Variants in CYB5B observed in about 807,000 individuals in gnomAD.
CYB5B encodes cytochrome b5 type B.
Under a neutral mutation model 21.3 loss-of-function variants are expected in CYB5B, and 14 were observed. That is an observed-to-expected ratio of 0.66 (90% confidence interval 0.43 to 1.03). The LOEUF (loss-of-function observed/expected upper bound fraction) is 1.03, where lower values mean the gene tolerates loss of function less well. Among genes scored for constraint, CYB5B ranks in the 50% least tolerant of loss-of-function variants. The probability of loss-of-function intolerance (pLI) is 0.00; values close to 1 mark genes in which losing one functional copy is unlikely to be tolerated. For synonymous variants in CYB5B, 69 were observed against 68.4 expected (o/e 1.01, Z -0.04); for missense variants, 166 against 185.1 (o/e 0.90, Z 0.60).
At chr16:69,453,403 A>G (rs1370410853) in intron 3 of CYB5B, among the ~76,000 whole-genome samples, 2 of 152,178 alleles carry the variant, frequency 1.3e-5, no homozygotes, top group Non-Finnish European at 2.9e-5. Flanking sequence ...TAAAAATTTT[A>G]TTTTTAAGAA....
intron 1 of CYB5B, among the ~76,000 whole-genome samples, chr16:69,441,729 G>A (rs1294609525): frequency 6.6e-6 from 1 of 152,058 alleles, no homozygotes; most frequent in Non-Finnish European, 1.5e-5. Flanking sequence ...TCAACTGACT[G>A]GACATATACA....
intron 1 of CYB5B, among the ~76,000 whole-genome samples, chr16:69,433,140 GT>G (rs374309559): frequency 3.8e-3 from 573 of 152,308 alleles, no homozygotes; most frequent in African/African-American, 0.013. Flanking sequence ...CTGCCTCAAT[GT>G]TTTTCATGGC....
chr16:69,460,907 T>A (rs758674552), intron 4 of CYB5B, among the ~76,000 whole-genome samples: 1 of 152,230 alleles, frequency 6.6e-6, no homozygotes, highest in Non-Finnish European at 1.5e-5. Flanking sequence ...TGAACCTGAA[T>A]CTCCTGTGAT....
intron 3 of CYB5B, among the ~76,000 whole-genome samples, chr16:69,456,824 A>G (rs778726284): frequency 1.3e-5 from 2 of 152,198 alleles, no homozygotes; most frequent in Non-Finnish European, 2.9e-5. Context: ...GTGTTAATAG[A>G]ACTTTTTTCA....
intron 1 of CYB5B, among the ~76,000 whole-genome samples, chr16:69,425,572 A>C (rs763647641): frequency 7.2e-5 from 11 of 152,202 alleles, no homozygotes; most frequent in Non-Finnish European, 1.6e-4. Context: ...TAGACTTCTA[A>C]ATATTTAAAA....
chr16:69,455,096 C>G (rs533624026), intron 3 of CYB5B, among the ~76,000 whole-genome samples: 5 of 152,010 alleles, frequency 3.3e-5, no homozygotes, highest in Non-Finnish European at 5.9e-5. Flanking sequence ...GGGTTTCACC[C>G]TGTTAGCCAG....
chr16:69,443,010 G>A (rs1271291659), intron 1 of CYB5B, among the ~76,000 whole-genome samples: 1 of 152,072 alleles, frequency 6.6e-6, no homozygotes, highest in Non-Finnish European at 1.5e-5. Flanking sequence ...GTGCAGTGGT[G>A]CGATTGTGGC....
intron 1 of CYB5B, among the ~76,000 whole-genome samples, chr16:69,440,521 TA>T (rs2014809079): frequency 6.6e-6 from 1 of 152,232 alleles, no homozygotes; most frequent in South Asian, 2.1e-4. Context: ...GAACTTTTTA[TA>T]AATGGAAATT....
intron 1 of CYB5B, among the ~76,000 whole-genome samples, chr16:69,446,074 G>A: frequency 6.6e-6 from 1 of 152,036 alleles, no homozygotes; most frequent in Admixed American, 6.6e-5. Flanking sequence ...GTATAAATAT[G>A]CATATATATA....
At chr16:69,433,422 T>C (rs1034510253) in intron 1 of CYB5B, among the ~76,000 whole-genome samples, 1 of 152,202 alleles carries the variant, frequency 6.6e-6, no homozygotes, top group African/African-American at 2.4e-5. Context: ...TGAATGTAGT[T>C]TCTCTTTTTT....
In CYB5B at chr16:69,424,815, G is replaced by T. The variant is rs1332428981; in HGVS notation, c.132G>T (p.Val44=). ...KRNSLKELWL[V]IHGRVYDVTR... Reference sequence around the variant, plus strand: ...ACTCCTTGAAGGAACTGTGGCTTGTGATCCATGGGCGAGTCTACGATGTCA... The same window carrying T: ...ACTCCTTGAAGGAACTGTGGCTTGTTATCCATGGGCGAGTCTACGATGTCA... The change falls in exon 1 of 5, where the codon GTG becomes GTT. Residue 44 remains valine (V), a synonymous_variant. Transcript: ENST00000307892. 3.7e-6 allele frequency: 6 copies of T among 1,605,042 alleles called. No homozygotes were observed. The South Asian group carries it at 6.7e-5, about 18-fold the overall frequency.
intron 1 of CYB5B, among the ~76,000 whole-genome samples, chr16:69,428,510 G>T (rs2014671763): frequency 6.6e-6 from 1 of 152,064 alleles, no homozygotes; most frequent in Non-Finnish European, 1.5e-5. Flanking sequence ...ACAAAAATTA[G>T]CTGGGCATGG....
At chr16:69,451,459 C>A (rs1337050236) in intron 3 of CYB5B, among the ~76,000 whole-genome samples, 1 of 152,074 alleles carries the variant, frequency 6.6e-6, no homozygotes, top group Non-Finnish European at 1.5e-5. Context: ...AAATCGTAAC[C>A]TGACTAAAAA....
intron 3 of CYB5B, 149 bp downstream of exon 3, chr16:69,448,293 T>A: frequency 1.2e-6 from 1 of 839,356 alleles, no homozygotes; most frequent in Non-Finnish European, 1.9e-6. Context: ...TTGGACTCAG[T>A]ATCATCTCAG....
chr16:69,445,551 A>G (rs2142819441), intron 1 of CYB5B, among the ~76,000 whole-genome samples: 1 of 152,338 alleles, frequency 6.6e-6, no homozygotes, highest in Non-Finnish European at 1.5e-5. Context: ...ATTAAATAAT[A>G]TAAATTCTAA....
At chr16:69,433,362 C>T (rs1029317347) in intron 1 of CYB5B, among the ~76,000 whole-genome samples, 1 of 152,164 alleles carries the variant, frequency 6.6e-6, no homozygotes, top group Non-Finnish European at 1.5e-5. Context: ...AAAGTTAACT[C>T]CCATTGTTTG....
At chr16:69,455,510 C>T (rs775095077) in intron 3 of CYB5B, among the ~76,000 whole-genome samples, 39 of 150,002 alleles carry the variant, frequency 2.6e-4, no homozygotes, top group Non-Finnish European at 4.9e-4. Flanking sequence ...CGGGTTCAAG[C>T]GATTCTTCTG....
chr16:69,444,999 A>G (rs2142819072), intron 1 of CYB5B, among the ~76,000 whole-genome samples: 1 of 152,362 alleles, frequency 6.6e-6, no homozygotes, highest in African/African-American at 2.4e-5. Flanking sequence ...GATGAAAGTG[A>G]AAGTACTTGT....
chr16:69,426,198 G>A (rs2014644471), intron 1 of CYB5B, among the ~76,000 whole-genome samples: 1 of 151,784 alleles, frequency 6.6e-6, no homozygotes, highest in Non-Finnish European at 1.5e-5. Flanking sequence ...AGGAGATCGA[G>A]ACCGTCCTGG....
Sources: gnomAD v4.1 joint callset for allele counts (sites outside exome capture counted in the v4.1 genomes callset) on GRCh38, gnomAD v4.1.1 for gene constraint, MANE v1.5 for transcripts, NCBI Gene and HGNC (gene_info 2026-07-23, HGNC 2026-07-21) for gene names.